Variants in OPA1 observed in about 807,000 individuals in gnomAD.
OPA1 encodes the protein OPA1 mitochondrial dynamin like GTPase.
A neutral mutation model predicts 152.9 loss-of-function variants in OPA1; 59 were observed. The ratio of observed to expected loss-of-function variants is 0.39; its 90% confidence interval spans 0.31 to 0.48. The LOEUF (loss-of-function observed/expected upper bound fraction) is 0.48, where lower values mean the gene tolerates loss of function less well. Ranked by LOEUF, OPA1 falls within the 20% of genes least tolerant of loss-of-function variation. The pLI, the probability that OPA1 is intolerant of heterozygous loss-of-function variation, is 0.96. For synonymous variants in OPA1, 400 were observed against 389.9 expected (o/e 1.03, Z -0.31); for missense variants, 1,008 against 1,216.8 (o/e 0.83, Z 2.55).
chr3:193,687,246 C>T lies in OPA1; in HGVS notation c.2984-4817C>T, dbSNP rs548580146. Among the ~76,000 whole-genome samples, 9 of 152,224 alleles carry T rather than the reference C, an allele frequency of 5.9e-5. No individual in the cohort carries two copies. The South Asian group carries it at 8.3e-4, about 14-fold the overall frequency. ...AGAGAAGGAACTTCATTCACTGAGA[C>T]GGTTTATGAGTTGGGGATTATGGGA... On this transcript the variant is annotated intron_variant, in intron 29 of 30. Transcript: ENST00000361510.
At chr3:193,680,933 A>G (rs1720032043) in intron 29 of OPA1, among the ~76,000 whole-genome samples, 1 of 152,184 alleles carries the variant, frequency 6.6e-6, no homozygotes, top group Non-Finnish European at 1.5e-5. Flanking sequence ...TGATAATTTA[A>G]GTGTGGAGCA....
chr3:193,600,761 GATTAGAAACC>G (rs1726337912), intron 1 of OPA1, among the ~76,000 whole-genome samples: 1 of 152,160 alleles, frequency 6.6e-6, no homozygotes, highest in Non-Finnish European at 1.5e-5. Context: ...GAGATATAAA[GATTAGAAACC>G]CTTGGAAAAC....
In OPA1 at chr3:193,641,611, G is replaced by T. The variant is rs1324347296; in HGVS notation, c.1150-1154G>T. Among the ~76,000 whole-genome samples, 5 of 152,122 alleles carry T rather than the reference G, an allele frequency of 3.3e-5. No homozygotes were observed. In the East Asian group the frequency reaches 9.6e-4, roughly 29 times the overall value. ...TTTTAAGTTTTTCTCTTGGGCCTTT[G>T]CCCTGTGCTACAAATCAGCAAATCC... On this transcript the variant is annotated intron_variant, in intron 11 of 30. Transcript: ENST00000361510.
At chr3:193,621,223 AAAG>A (rs758098927) in intron 6 of OPA1, among the ~76,000 whole-genome samples, 1 of 152,358 alleles carries the variant, frequency 6.6e-6, no homozygotes, top group Admixed American at 6.5e-5. Flanking sequence ...GAACTAAAGA[AAAG>A]ATTTGTCCTT....
chr3:193,638,947 C>T (rs917119119), intron 11 of OPA1, among the ~76,000 whole-genome samples: 3 of 151,918 alleles, frequency 2.0e-5, no homozygotes, highest in Non-Finnish European at 4.4e-5. Flanking sequence ...CAAATATTGT[C>T]GGAGCAAGTG....
chr3:193,615,915 CT>C (rs1231656439), intron 3 of OPA1, 145 bp downstream of exon 3: 1 of 647,512 alleles, frequency 1.5e-6, no homozygotes, highest in Non-Finnish European at 2.7e-6. Flanking sequence ...ATGAAAAAAT[CT>C]GTATAAAAGA....
chr3:193,619,618 T>C (rs368769042), intron 6 of OPA1: 38 of 152,338 alleles, frequency 2.5e-4, no homozygotes, highest in African/African-American at 8.9e-4. Context: ...TTTCTGAGTC[T>C]TCACTTTTTT....
intron 21 of OPA1, among the ~76,000 whole-genome samples, chr3:193,651,791 T>A (rs747499002): frequency 9.2e-5 from 14 of 152,126 alleles, no homozygotes; most frequent in East Asian, 3.8e-4. Context: ...ATAATTTTTT[T>A]AATAATAAAA....
rs1179683327 is a variant in OPA1 at position 193,643,612 on chromosome 3, A to G, written c.1462A>G (p.Ile488Val). ...KAYMQNPNAI[I>V]LCIQDGSVDA... ...TTACATGCAGAATCCTAATGCCATC[A>G]TACTGTGTATTCAAGGTAAATCATA... Residue 488 changes from isoleucine to valine, a missense_variant, in exon 15 of 31, where the codon ATA becomes GTA. This residue lies in a region of OPA1 where 213 missense variants were observed against 291.4 expected (regional missense o/e 0.73). Transcript: ENST00000361510. 5 of 1,612,490 alleles carry G rather than the reference A, an allele frequency of 3.1e-6. No individual in the cohort carries two copies. The highest frequency in any genetic ancestry group is 2.7e-5 in the African/African-American group (2 of 74,892).
chr3:193,662,493 G>A (rs1715515930), intron 25 of OPA1, among the ~76,000 whole-genome samples: 2 of 152,052 alleles, frequency 1.3e-5, no homozygotes, highest in Non-Finnish European at 2.9e-5. Context: ...ATACCCTACG[G>A]TCAAGAAAGA....
chr3:193,690,314 C>T lies in OPA1; in HGVS notation c.2984-1749C>T, dbSNP rs554628850. On this transcript the variant is annotated intron_variant, in intron 29 of 30. Transcript: ENST00000361510. ...TAAAACAACTGGACTCCCCCCCCAC[C>T]CCACCCCACACACACACAGATTTTA... 7.2e-5 allele frequency among the ~76,000 whole-genome samples: 7 copies of T among 97,210 alleles called. 1 individual carries two copies. The highest frequency in any genetic ancestry group is 2.9e-4 in the African/African-American group (7 of 24,514). 63.8% of individuals were successfully genotyped at this position (97,210 alleles called of 152,430 possible). A position where few individuals can be genotyped will look rare whatever the true frequency, so the allele number is the denominator to read the frequency against.
At chr3:193,620,994 TG>T (rs1191665947) in intron 6 of OPA1, among the ~76,000 whole-genome samples, 1 of 152,236 alleles carries the variant, frequency 6.6e-6, no homozygotes, top group Non-Finnish European at 1.5e-5. Flanking sequence ...GGTGGTAAGG[TG>T]GCCAGGCTTT....
At chr3:193,649,540 T>G (rs1711875907) in intron 21 of OPA1, among the ~76,000 whole-genome samples, 1 of 152,214 alleles carries the variant, frequency 6.6e-6, no homozygotes, top group South Asian at 2.1e-4. Context: ...ATCTTTCTAA[T>G]GAAGACTGTG....
chr3:193,635,486 G>C lies in OPA1; in HGVS notation c.912G>C (p.Gln304His), dbSNP rs1179766934. ...ENKELRKLVL[Q>H]KDDKGIHHRK... ...AAGAATTGAGAAAATTAGTATTGCAGAAAGATGACAAAGGCATTCATCATA... is the reference window on the plus strand; with the variant it reads ...AAGAATTGAGAAAATTAGTATTGCACAAAGATGACAAAGGCATTCATCATA... The change falls in exon 9 of 31, where the codon CAG becomes CAC. Residue 304 changes from glutamine (Q) to histidine (H), a missense_variant. This residue lies in a region of OPA1 where 408 missense variants were observed against 395.1 expected (regional missense o/e 1.03). Coordinates refer to ENST00000361510, the MANE Select transcript of OPA1 (RefSeq NM_130837.3). 1 of 1,608,914 alleles carries C rather than the reference G, an allele frequency of 6.2e-7. No individual in the cohort carries two copies. Among genetic ancestry groups the C allele is most frequent in the East Asian group, 2.2e-5 (1 of 44,658 alleles).
intron 16 of OPA1, 103 bp downstream of exon 16, chr3:193,644,208 C>T: frequency 7.6e-7 from 1 of 1,308,244 alleles, no homozygotes; most frequent in Non-Finnish European, 1.1e-6. Flanking sequence ...AAAAAAACAC[C>T]TTACAACTAA....
rs1231502335 is a variant in OPA1 at position 193,643,579 on chromosome 3, A to G, written c.1429A>G (p.Ser477Gly). 1.2e-6 allele frequency: 2 copies of G among 1,613,936 alleles called. No homozygotes were observed. Among genetic ancestry groups the G allele is most frequent in the Admixed American group, 1.7e-5 (1 of 60,022 alleles). Residue 477 changes from serine (S) to glycine (G), a missense_variant, in exon 15 of 31, where the codon AGC becomes GGC. Transcript: ENST00000361510. ...CACAAAGGAAACTATTTTCAGTATC[A>G]GCAAAGCTTACATGCAGAATCCTAA... ...PDTKETIFSI[S>G]KAYMQNPNAI...
intron 30 of OPA1, among the ~76,000 whole-genome samples, chr3:193,693,963 C>T (rs988129486): frequency 6.6e-6 from 1 of 152,046 alleles, no homozygotes; most frequent in East Asian, 1.9e-4. Context: ...GCCCCGGAAG[C>T]CCCGTTAAAA....
chr3:193,663,779 A>G (rs1188636752), intron 26 of OPA1, among the ~76,000 whole-genome samples: 3 of 152,110 alleles, frequency 2.0e-5, no homozygotes, highest in Admixed American at 2.0e-4. Flanking sequence ...CAGAACAAGT[A>G]AAAAAATAAA....
In OPA1 at chr3:193,695,581, T is replaced by G. The variant is rs1482339422; in HGVS notation, c.*981T>G. On this transcript the variant is annotated 3_prime_UTR_variant, in exon 31 of 31. Coordinates refer to ENST00000361510, the MANE Select transcript of OPA1 (RefSeq NM_130837.3). ...TGAATAAAGAAAAATTTAGTTCAAT[T>G]TATTGCAATTTAATTACAATACTAC... The G allele has an allele frequency of 6.6e-6, 1 of 152,208 alleles. No individual in the cohort carries two copies. The highest frequency in any genetic ancestry group is 1.9e-4 in the East Asian group (1 of 5,200). The allele number at this position is 152,208 out of a possible 1,614,324, so 9.4% of individuals were successfully genotyped here. A position where few individuals can be genotyped will look rare whatever the true frequency, so the allele number is the denominator to read the frequency against.
Sources: allele counts gnomAD v4.1 joint callset (sites outside exome capture counted in the v4.1 genomes callset), GRCh38; gene constraint gnomAD v4.1.1; regional missense constraint gnomAD v4.1.1; transcripts MANE v1.5; gene names NCBI Gene and HGNC (gene_info 2026-07-23, HGNC 2026-07-21).